FCHSD2: variants seen among roughly 807,000 people sequenced by gnomAD.
The protein encoded by FCHSD2 is F-BAR and double SH3 domains protein 2.
A neutral mutation model predicts 108.1 loss-of-function variants in FCHSD2; 38 were observed. The ratio of observed to expected loss-of-function variants is 0.35; its 90% confidence interval spans 0.27 to 0.46. The LOEUF is 0.46. FCHSD2 is among the 20% of genes least tolerant of loss of function. FCHSD2 has a pLI of 1.00. For missense variants in FCHSD2, 751 were observed against 897.8 expected (o/e 0.84, Z 2.09); for synonymous variants, 279 against 314.7 (o/e 0.89, Z 1.20).
intron 9 of FCHSD2, among the ~76,000 whole-genome samples, chr11:72,917,034 G>C (rs998714469): frequency 6.9e-6 from 1 of 145,166 alleles, no homozygotes; most frequent in African/African-American, 2.6e-5. Context: ...GCCCAGGCTG[G>C]AGTGCAGTGG....
At chr11:73,047,290 C>T (rs1858791798) in intron 3 of FCHSD2, among the ~76,000 whole-genome samples, 1 of 151,604 alleles carries the variant, frequency 6.6e-6, no homozygotes, top group African/African-American at 2.4e-5. Flanking sequence ...GTCAAAATAT[C>T]TGGTAGAAGC....
At chr11:72,897,170 ATTCTGACT>A (rs1855438812) in intron 10 of FCHSD2, among the ~76,000 whole-genome samples, 1 of 152,154 alleles carries the variant, frequency 6.6e-6, no homozygotes, top group Non-Finnish European at 1.5e-5. Flanking sequence ...GTTAACATCT[ATTCTGACT>A]CAATGTGCCA....
intron 2 of FCHSD2, among the ~76,000 whole-genome samples, chr11:73,105,978 C>G (rs989965732): frequency 6.6e-6 from 1 of 152,158 alleles, no homozygotes; most frequent in African/African-American, 2.4e-5. Flanking sequence ...GGTCTGTATA[C>G]AAGCTAATAT....
intron 3 of FCHSD2, among the ~76,000 whole-genome samples, chr11:73,046,582 A>G (rs1858772071): frequency 6.6e-6 from 1 of 152,228 alleles, no homozygotes; most frequent in African/African-American, 2.4e-5. Flanking sequence ...TTAAATTTTT[A>G]TTAGTAATCA....
intron 13 of FCHSD2, among the ~76,000 whole-genome samples, chr11:72,866,987 T>C (rs1396718353): frequency 6.6e-6 from 1 of 152,178 alleles, no homozygotes; most frequent in African/African-American, 2.4e-5. Flanking sequence ...CAAAAATATT[T>C]AAGTACCAAC....
chr11:72,967,862 C>T (rs904330909), intron 8 of FCHSD2, among the ~76,000 whole-genome samples: 21 of 151,272 alleles, frequency 1.4e-4, no homozygotes, highest in South Asian at 1.0e-3. Flanking sequence ...GAGGCCGAGG[C>T]GGGCGGATCA....
chr11:73,082,600 A>G (rs1162984315), intron 3 of FCHSD2, among the ~76,000 whole-genome samples: 2 of 152,124 alleles, frequency 1.3e-5, no homozygotes. Flanking sequence ...ACAAAGCCTA[A>G]AAGAGTCATG....
At chr11:73,022,561 A>G (rs1298823577) in intron 3 of FCHSD2, among the ~76,000 whole-genome samples, 1 of 152,204 alleles carries the variant, frequency 6.6e-6, no homozygotes, top group Non-Finnish European at 1.5e-5. Context: ...GGAAAAGTCC[A>G]TAATACTAAT....
chr11:72,989,165 A>G, intron 5 of FCHSD2, 68 bp from the exon 6 acceptor site: 2 of 1,342,312 alleles, frequency 1.5e-6, no homozygotes, highest in Non-Finnish European at 2.1e-6. Context: ...ACTTCATCCT[A>G]AGGACTATAC....
chr11:72,922,007 T>C (rs1855984521), intron 8 of FCHSD2, 57 bp from the exon 9 acceptor site: 5 of 1,292,884 alleles, frequency 3.9e-6, no homozygotes, highest in Non-Finnish European at 5.4e-6. Flanking sequence ...TGACATATGA[T>C]ATCTTCTGCC....
chr11:72,848,389 A>G (rs935493901), intron 14 of FCHSD2, among the ~76,000 whole-genome samples: 4 of 152,062 alleles, frequency 2.6e-5, no homozygotes, highest in African/African-American at 9.7e-5. Context: ...TCCTCTCCCT[A>G]CCTTCTCACT....
At chr11:73,005,050 T>C (rs997273198) in intron 4 of FCHSD2, among the ~76,000 whole-genome samples, 1 of 152,302 alleles carries the variant, frequency 6.6e-6, no homozygotes, top group East Asian at 1.9e-4. Context: ...ATTTACACTA[T>C]GTTACACAAC....
Position 73,138,637 on chromosome 11 carries a change from C to T in FCHSD2, c.119+1394G>A, listed in dbSNP as rs541258861. 3.9e-5 allele frequency among the ~76,000 whole-genome samples: 5 copies of T among 128,600 alleles called. No homozygotes were observed. The South Asian group carries it at 9.7e-4, about 25-fold the overall frequency. 84.4% of individuals were successfully genotyped at this position (128,600 alleles called of 152,430 possible). On this transcript the variant is annotated intron_variant, in intron 2 of 19. Transcript: ENST00000409418. ...TTTTTTTTTTTTTTTGAGACAGGGT[C>T]TCACTCTGTTGCCCAGGCTGGAGAG...
intron 8 of FCHSD2, among the ~76,000 whole-genome samples, chr11:72,944,940 A>G (rs1181308114): frequency 6.6e-6 from 1 of 152,234 alleles, no homozygotes; most frequent in Non-Finnish European, 1.5e-5. Flanking sequence ...GCTCACGGGT[A>G]GGAAGAATCA....
chr11:72,957,569 G>C (rs970945221), intron 8 of FCHSD2, among the ~76,000 whole-genome samples: 2 of 150,722 alleles, frequency 1.3e-5, no homozygotes, highest in Non-Finnish European at 2.9e-5. Flanking sequence ...AAATGATCCT[G>C]GATTGGATCT....
At chr11:72,971,597 T>C (rs566251767) in intron 8 of FCHSD2, among the ~76,000 whole-genome samples, 1 of 152,284 alleles carries the variant, frequency 6.6e-6, no homozygotes, top group South Asian at 2.1e-4. Context: ...CTCTAGGAGC[T>C]GAGAATGACC....
chr11:72,985,627 G>A (rs1177173652), intron 6 of FCHSD2, among the ~76,000 whole-genome samples: 1 of 152,066 alleles, frequency 6.6e-6, no homozygotes, highest in Non-Finnish European at 1.5e-5. Flanking sequence ...TTCTTGTTTG[G>A]GTACCTGCCT....
At chr11:72,931,544 A>T (rs560449733) in intron 8 of FCHSD2, among the ~76,000 whole-genome samples, 4 of 151,938 alleles carry the variant, frequency 2.6e-5, no homozygotes, top group African/African-American at 7.2e-5. Flanking sequence ...AGGCAGGTGG[A>T]TCACAAGGTC....
chr11:73,050,665 G>A (rs556010446), intron 3 of FCHSD2, among the ~76,000 whole-genome samples: 2 of 152,240 alleles, frequency 1.3e-5, no homozygotes, highest in African/African-American at 4.8e-5. Flanking sequence ...ATCCACATGG[G>A]GAGATAATGG....
Sources: allele counts gnomAD v4.1 joint callset (sites outside exome capture counted in the v4.1 genomes callset), GRCh38; gene constraint gnomAD v4.1.1; transcripts MANE v1.5; gene names NCBI Gene and HGNC (gene_info 2026-07-23, HGNC 2026-07-21).